The following GRIN2A variants were observed in gnomAD, a reference collection of about 807,000 sequenced individuals.
GRIN2A encodes glutamate receptor ionotropic, NMDA 2A.
GRIN2A carries 22 observed loss-of-function variants against 113.4 expected under a neutral mutation model. That is an observed-to-expected ratio of 0.19 (90% CI 0.14 to 0.28). The LOEUF (loss-of-function observed/expected upper bound fraction) is 0.28, where lower values mean the gene tolerates loss of function less well. Among genes scored for constraint, GRIN2A ranks in the 10% least tolerant of loss-of-function variants. The pLI is 1.00. For missense variants in GRIN2A, 1,502 were observed against 1,887.0 expected (o/e 0.80, Z 3.78); for synonymous variants, 827 against 738.4 (o/e 1.12, Z -1.94).
intron 2 of GRIN2A, among the ~76,000 whole-genome samples, chr16:9,957,388 A>G (rs141584385): frequency 6.6e-6 from 1 of 152,318 alleles, no homozygotes; most frequent in East Asian, 1.9e-4. Flanking sequence ...GGACCACCCA[A>G]GGAAGAACAA....
chr16:9,840,536 G>A, intron 7 of GRIN2A, 111 bp downstream of exon 7: 1 of 1,011,454 alleles, frequency 9.9e-7, no homozygotes. Flanking sequence ...GAAATATGCT[G>A]CCATGGCCAA....
At chr16:9,878,758 G>A (rs1372771802) in intron 4 of GRIN2A, among the ~76,000 whole-genome samples, 1 of 152,004 alleles carries the variant, frequency 6.6e-6, no homozygotes, top group Non-Finnish European at 1.5e-5. Context: ...CTCTGCAGGA[G>A]AGCGCCTGTT....
chr16:10,054,218 A>T (rs1396077493), intron 2 of GRIN2A, among the ~76,000 whole-genome samples: 2 of 152,246 alleles, frequency 1.3e-5, no homozygotes, highest in Non-Finnish European at 2.9e-5. Flanking sequence ...GAGGAAAAAC[A>T]TTAAATGAAT....
intron 10 of GRIN2A, among the ~76,000 whole-genome samples, chr16:9,809,932 G>T (rs2042054522): frequency 6.6e-6 from 1 of 152,084 alleles, no homozygotes; most frequent in Non-Finnish European, 1.5e-5. Context: ...GCTGGGCATG[G>T]TGGCACACAC....
rs1229760755 is a variant in GRIN2A at position 9,828,186 on chromosome 16, T to A, written c.2007+1237A>T. On this transcript the variant is annotated intron_variant, in intron 9 of 12. Coordinates refer to ENST00000330684, the MANE Select transcript of GRIN2A (RefSeq NM_001134407.3). ...CAAGGACACTGAGCTGAAATAAACT[T>A]AGTGACAGGGATGGAGCAAGAGGAA... Among the ~76,000 whole-genome samples the A allele has an allele frequency of 2.6e-5, 4 of 152,094 alleles. No individual in the cohort carries two copies. The South Asian group carries it at 8.3e-4, about 32-fold the overall frequency.
chr16:9,911,366 G>A (rs964573261), intron 3 of GRIN2A, among the ~76,000 whole-genome samples: 11 of 152,218 alleles, frequency 7.2e-5, no homozygotes, highest in African/African-American at 2.7e-4. Context: ...GAAAGGAACA[G>A]TGAAACACAG....
chr16:9,955,050 C>A (rs2045273795), intron 2 of GRIN2A, among the ~76,000 whole-genome samples: 1 of 152,164 alleles, frequency 6.6e-6, no homozygotes, highest in Non-Finnish European at 1.5e-5. Flanking sequence ...TTGGTGTCAT[C>A]CCCATGGGCA....
At chr16:9,767,473 A>G (rs12597176) in intron 12 of GRIN2A, among the ~76,000 whole-genome samples, 54,901 of 151,928 alleles carry the variant, frequency 0.36, 11,027 homozygotes, top group South Asian at 0.55. Context: ...TTACATATGT[A>G]TACATGTGCT....
chr16:9,768,782 A>G, intron 12 of GRIN2A, 69 bp downstream of exon 12: 1 of 980,196 alleles, frequency 1.0e-6, no homozygotes, highest in Admixed American at 1.7e-5. Context: ...CCCCACTGAG[A>G]CATCAAGAAC....
intron 2 of GRIN2A, among the ~76,000 whole-genome samples, chr16:10,040,046 CACACCACCATAAATACACT>C (rs2047128173): frequency 1.5e-3 from 1 of 668 alleles, no homozygotes; most frequent in Non-Finnish European, 3.2e-3. Flanking sequence ...CACACATCCA[CACACCACCATAAATACACT>C]ACACACATCC....
chr16:10,163,437 T>C (rs1003003511), intron 2 of GRIN2A, among the ~76,000 whole-genome samples: 4 of 152,206 alleles, frequency 2.6e-5, no homozygotes, highest in Admixed American at 6.5e-5. Flanking sequence ...TGTCCTTTTC[T>C]AAACAGTTCC....
At chr16:10,131,295 G>C (rs11644255) in intron 2 of GRIN2A, among the ~76,000 whole-genome samples, 23,982 of 152,076 alleles carry the variant, frequency 0.16, 2,502 homozygotes, top group East Asian at 0.36. Flanking sequence ...GAGATGCTAA[G>C]CAACCAGTCT....
chr16:10,106,594 C>T (rs562691865), intron 2 of GRIN2A, among the ~76,000 whole-genome samples: 1 of 152,084 alleles, frequency 6.6e-6, no homozygotes, highest in African/African-American at 2.4e-5. Flanking sequence ...ATCCCTGGTA[C>T]CTGGAAGTGG....
At chr16:10,145,672 T>G (rs1247100996) in intron 2 of GRIN2A, among the ~76,000 whole-genome samples, 3 of 152,202 alleles carry the variant, frequency 2.0e-5, no homozygotes, top group African/African-American at 4.8e-5. Context: ...AATAATGTAC[T>G]TCAAGGGCCA....
chr16:10,137,172 T>C (rs1567325561), intron 2 of GRIN2A, among the ~76,000 whole-genome samples: 1 of 152,150 alleles, frequency 6.6e-6, no homozygotes, highest in Non-Finnish European at 1.5e-5. Flanking sequence ...GGGTTCACAG[T>C]GAGCAAGCTT....
intron 3 of GRIN2A, among the ~76,000 whole-genome samples, chr16:9,893,235 AG>A (rs1453537824): frequency 5.1e-4 from 77 of 152,360 alleles, no homozygotes; most frequent in African/African-American, 1.8e-3. Flanking sequence ...TTAAAGAAGC[AG>A]AAAAGAGGAT....
At chr16:9,965,591 G>A (rs943578445) in intron 2 of GRIN2A, among the ~76,000 whole-genome samples, 2 of 152,170 alleles carry the variant, frequency 1.3e-5, no homozygotes, top group Admixed American at 1.3e-4. Context: ...GGCTCCATGA[G>A]AGCAAGGATC....
intron 2 of GRIN2A, among the ~76,000 whole-genome samples, chr16:9,972,122 C>T (rs2141742048): frequency 6.6e-6 from 1 of 152,300 alleles, no homozygotes; most frequent in East Asian, 1.9e-4. Flanking sequence ...CTGCCCAAGC[C>T]TCTGGCCAGT....
At chr16:9,919,393 G>A (rs775693647) in intron 3 of GRIN2A, among the ~76,000 whole-genome samples, 1 of 152,090 alleles carries the variant, frequency 6.6e-6, no homozygotes, top group Admixed American at 6.5e-5. Context: ...ATATAGCTCA[G>A]AAATTTTTAA....
Sources: allele counts gnomAD v4.1 joint callset (sites outside exome capture counted in the v4.1 genomes callset), GRCh38; gene constraint gnomAD v4.1.1; transcripts MANE v1.5; gene names NCBI Gene and HGNC (gene_info 2026-07-23, HGNC 2026-07-21).